Variants in PRDM11 observed in about 807,000 individuals in gnomAD.
The protein encoded by PRDM11 is PR domain-containing protein 11.
A neutral mutation model predicts 97.8 loss-of-function variants in PRDM11; 20 were observed. The ratio of observed to expected loss-of-function variants is 0.20; its 90% CI spans 0.14 to 0.30. The LOEUF is 0.30. Among genes scored for constraint, PRDM11 ranks in the 10% least tolerant of loss-of-function variants. PRDM11 has a pLI of 1.00. For synonymous variants in PRDM11, 599 were observed against 637.7 expected, an observed-to-expected ratio of 0.94 and a Z score of 0.91; for missense variants, 1,139 against 1,555.2, an observed-to-expected ratio of 0.73 and a Z score of 4.50.
At position 45,171,364 on chromosome 11, in the gene PRDM11, T is replaced by C. The variant is rs191557976; in HGVS notation, c.-6-10397T>C. Among the ~76,000 whole-genome samples, 3 of 152,332 alleles carry C rather than the reference T, an allele frequency of 2.0e-5. No individual in the cohort carries two copies. The East Asian group carries it at 5.8e-4, about 29-fold the overall frequency. On this transcript the variant is annotated intron_variant, in intron 1 of 7. Transcript: ENST00000683152. ...ATTCACCCACCTCGGCCTCCCAAAG[T>C]GCTGGGATTACAGGCCTCAGCCACC...
intron 1 of PRDM11, among the ~76,000 whole-genome samples, chr11:45,109,975 T>C (rs1852138892): frequency 6.6e-6 from 1 of 152,178 alleles, no homozygotes; most frequent in Non-Finnish European, 1.5e-5. Flanking sequence ...CAGGTGGGCA[T>C]CTGTGCCCTG....
In PRDM11 at chr11:45,219,808, G is replaced by A; in HGVS notation, c.742+51G>A. On this transcript the variant is annotated intron_variant, in intron 6 of 7. Transcript: ENST00000683152. The surrounding 1 kb of genome is among the most constrained non-coding windows in gnomAD (Gnocchi z 4.2). The stretch of plus-strand genomic sequence containing the variant: ...GCGCCCACCTCTGAGCCCCAGGGGA[G>A]GCCTGGATAGCTTGTTTTGGAGCTT... 1 of 1,548,666 alleles carries A rather than the reference G, an allele frequency of 6.5e-7. No homozygotes were observed.
chr11:45,199,208 G>A (rs1025419172), intron 4 of PRDM11, among the ~76,000 whole-genome samples: 2 of 152,122 alleles, frequency 1.3e-5, no homozygotes, highest in Non-Finnish European at 2.9e-5. Context: ...GAACTTTGAG[G>A]TCATTTAGGA....
chr11:45,214,903 T>C (rs1853912333), intron 5 of PRDM11, among the ~76,000 whole-genome samples: 1 of 152,192 alleles, frequency 6.6e-6, no homozygotes, highest in South Asian at 2.1e-4. Context: ...AACTGCCAGA[T>C]TCCCTGTATC....
chr11:45,226,274 A>G lies in PRDM11; in HGVS notation c.1649A>G (p.Lys550Arg), dbSNP rs1490046468. Residue 550 changes from lysine (K) to arginine (R), a missense_variant, in exon 8 of 8, where the codon AAG becomes AGG. Physicochemically the swap from Lys to Arg is conservative, Grantham distance 26. Around this residue, in one of 2 missense-constraint regions of PRDM11, gnomAD observed 710 missense variants for 1,044.9 expected, o/e 0.68. Transcript: ENST00000683152. ...SRTSAFIIGS[K>R]QFKIHTIKLH... The stretch of plus-strand genomic sequence containing the variant: ...ACCTCGGCCTTCATCATTGGCTCCA[A>G]GCAGTTTAAGATTCACACCATCAAA... The G allele has an allele frequency of 6.5e-7, 1 of 1,533,976 alleles. No individual in the cohort carries two copies. Among genetic ancestry groups the G allele is most frequent in the Admixed American group, 2.0e-5 (1 of 51,002 alleles).
chr11:45,131,243 T>C (rs1344839448), intron 1 of PRDM11, among the ~76,000 whole-genome samples: 3 of 152,204 alleles, frequency 2.0e-5, no homozygotes, highest in Non-Finnish European at 4.4e-5. Context: ...CTGTGGGTAC[T>C]GGCTGGGTGG....
chr11:45,129,038 T>A lies in PRDM11; in HGVS notation c.96+33137T>A, dbSNP rs573013564. Among the ~76,000 whole-genome samples the A allele has an allele frequency of 8.5e-5, 13 of 152,288 alleles. No homozygotes were observed. In the East Asian group the frequency reaches 2.5e-3, roughly 29 times the overall value. On this transcript the variant is annotated intron_variant, in intron 1 of 6. Coordinates refer to the PRDM11 transcript ENST00000530656. ...ATTATTTTAATGTAATTCACCACAT[T>A]AACAGAATAAAGGAGAAAAAGCATA...
At position 45,146,735 on chromosome 11, in the gene PRDM11, G is replaced by T. The variant is rs1565262224; in HGVS notation, c.-149G>T. 1 of 149,122 alleles carries T rather than the reference G, an allele frequency of 6.7e-6. No homozygotes were observed. The highest frequency in any genetic ancestry group is 1.5e-5 in the Non-Finnish European group (1 of 67,086). The allele number at this position is 149,122 out of a possible 1,614,324, so 9.2% of individuals were successfully genotyped here. ...GCGCCGAGGCTGGCGCTGAAACTTT[G>T]CCTCGCCGGGGACCAGCGCGCCCGC... On this transcript the variant is annotated 5_prime_UTR_variant, in exon 1 of 8. Transcript: ENST00000683152.
chr11:45,124,543 C>G (rs919947637), intron 1 of PRDM11, among the ~76,000 whole-genome samples: 2 of 152,188 alleles, frequency 1.3e-5, no homozygotes, highest in African/African-American at 4.8e-5. Flanking sequence ...GAGTTTTTAG[C>G]ACGAAGGGTT....
intron 1 of PRDM11, among the ~76,000 whole-genome samples, chr11:45,138,462 G>C (rs1852924420): frequency 6.6e-6 from 1 of 152,162 alleles, no homozygotes; most frequent in Non-Finnish European, 1.5e-5. Flanking sequence ...CAGCTACTTA[G>C]GAGACTGAGG....
At chr11:45,129,918 G>A (rs1052678890) in intron 1 of PRDM11, among the ~76,000 whole-genome samples, 9 of 152,142 alleles carry the variant, frequency 5.9e-5, no homozygotes, top group African/African-American at 2.2e-4. Context: ...TGTGGGTTTG[G>A]TGCAAAGACA....
At chr11:45,145,490 A>C (rs1477724579), upstream of PRDM11, among the ~76,000 whole-genome samples, 1 of 152,152 alleles carries the variant, frequency 6.6e-6, no homozygotes, top group African/African-American at 2.4e-5. Context: ...CCGCCTTGGG[A>C]GGAGGCTTCC....
intron 1 of PRDM11, among the ~76,000 whole-genome samples, chr11:45,164,784 A>G (rs1405996305): frequency 6.6e-6 from 1 of 152,106 alleles, no homozygotes; most frequent in Non-Finnish European, 1.5e-5. Context: ...GACCCCTGAG[A>G]TCTGCTTGAA....
intron 1 of PRDM11, among the ~76,000 whole-genome samples, chr11:45,141,305 G>C (rs995964909): frequency 1.3e-5 from 2 of 152,168 alleles, no homozygotes; most frequent in Admixed American, 1.3e-4. Flanking sequence ...CTGCACCCTC[G>C]TGTAGTCCTC....
In PRDM11 at chr11:45,182,387, C is replaced by A. The variant is rs202172429; in HGVS notation, c.223+38C>A. On this transcript the variant is annotated intron_variant, in intron 3 of 7. Coordinates refer to ENST00000683152, the MANE Select transcript of PRDM11 (RefSeq NM_001384648.1). The stretch of plus-strand genomic sequence containing the variant: ...TGGGGCTCTGGGCTGCTCCTCCCTT[C>A]ACCCCCATCGCCCCATTCCTGGCTA... 9.3e-5 allele frequency: 146 copies of A among 1,561,876 alleles called. No individual in the cohort carries two copies. In the East Asian group the frequency reaches 2.5e-3, roughly 27 times the overall value.
chr11:45,173,438 A>G (rs1852250359), intron 1 of PRDM11, among the ~76,000 whole-genome samples: 1 of 152,042 alleles, frequency 6.6e-6, no homozygotes, highest in Non-Finnish European at 1.5e-5. Flanking sequence ...CCTGGTCAAC[A>G]TGATGAAACC....
intron 1 of PRDM11, among the ~76,000 whole-genome samples, chr11:45,134,138 T>C (rs1248779253): frequency 6.6e-6 from 1 of 152,192 alleles, no homozygotes; most frequent in African/African-American, 2.4e-5. Flanking sequence ...AGGCGAGTCC[T>C]TTGTTTAAAA....
intron 1 of PRDM11, among the ~76,000 whole-genome samples, chr11:45,154,061 A>T (rs985311259): frequency 2.0e-5 from 3 of 152,242 alleles, no homozygotes; most frequent in Admixed American, 2.0e-4. Flanking sequence ...GGTGATTTAA[A>T]AATAGGATTT....
upstream of PRDM11, among the ~76,000 whole-genome samples, chr11:45,143,606 A>T (rs1851449384): frequency 6.6e-6 from 1 of 152,230 alleles, no homozygotes; most frequent in Non-Finnish European, 1.5e-5. Flanking sequence ...TGAACCAGAA[A>T]TGACTAACAG....
Sources: gnomAD v4.1 joint callset for allele counts (sites outside exome capture counted in the v4.1 genomes callset) on GRCh38, gnomAD v4.1.1 for gene constraint, gnomAD v4.1.1 regional missense constraint, Gnocchi (gnomAD v3.1) non-coding constraint, MANE v1.5 for transcripts, NCBI Gene and HGNC (gene_info 2026-07-23, HGNC 2026-07-21) for gene names.